Variants in GPC5 observed in about 807,000 individuals in gnomAD.
The protein encoded by GPC5 is glypican-5.
A neutral mutation model predicts 53.9 loss-of-function variants in GPC5; 47 were observed. The observed-to-expected ratio is 0.87, with a 90% CI of 0.69 to 1.11. GPC5 has a LOEUF of 1.11. GPC5 is among the 50% of genes most tolerant of loss of function. The probability of loss-of-function intolerance (pLI) is 0.00; values close to 1 mark genes in which losing one functional copy is unlikely to be tolerated. For missense variants in GPC5, 748 were observed against 713.1 expected, an observed-to-expected ratio of 1.05 and a Z score of -0.56; for synonymous variants, 286 against 263.3, an observed-to-expected ratio of 1.09 and a Z score of -0.84.
chr13:92,604,083 A>T (rs1315935255), intron 7 of GPC5, among the ~76,000 whole-genome samples: 2 of 152,248 alleles, frequency 1.3e-5, no homozygotes, highest in African/African-American at 4.8e-5. Flanking sequence ...GATACATATT[A>T]TTTGACCACA....
intron 7 of GPC5, among the ~76,000 whole-genome samples, chr13:92,647,457 G>A (rs1441809863): frequency 6.6e-6 from 1 of 152,036 alleles, no homozygotes; most frequent in Non-Finnish European, 1.5e-5. Context: ...GCCTACATAG[G>A]CTCAGGAATA....
chr13:92,144,356 G>T (rs2041851158), intron 6 of GPC5, among the ~76,000 whole-genome samples: 1 of 152,140 alleles, frequency 6.6e-6, no homozygotes, highest in Non-Finnish European at 1.5e-5. Context: ...AACTATAAAT[G>T]TATATGTCTA....
At chr13:91,669,844 ATTTGC>A (rs2035203402) in intron 2 of GPC5, among the ~76,000 whole-genome samples, 2 of 152,138 alleles carry the variant, frequency 1.3e-5, no homozygotes, top group Admixed American at 1.3e-4. Context: ...AAAGAGATGT[ATTTGC>A]TTGTGTATGT....
intron 7 of GPC5, among the ~76,000 whole-genome samples, chr13:92,641,403 C>A (rs1885590626): frequency 6.6e-6 from 1 of 151,966 alleles, no homozygotes; most frequent in African/African-American, 2.4e-5. Context: ...CTCCCAATGC[C>A]ATGATAAAGA....
chr13:91,743,604 A>G (rs1426690685), intron 4 of GPC5, among the ~76,000 whole-genome samples: 1 of 152,190 alleles, frequency 6.6e-6, no homozygotes, highest in Non-Finnish European at 1.5e-5. Flanking sequence ...TCATATTTGT[A>G]TCCAATGGCA....
intron 7 of GPC5, among the ~76,000 whole-genome samples, chr13:92,713,608 CAAAA>C (rs5805758): frequency 1.8e-5 from 2 of 114,028 alleles, no homozygotes; most frequent in Admixed American, 8.8e-5. Context: ...ACTCCAATCT[CAAAA>C]AAAAAAAAAA....
intron 2 of GPC5, among the ~76,000 whole-genome samples, chr13:91,606,205 G>C (rs2033360789): frequency 6.6e-6 from 1 of 151,034 alleles, no homozygotes; most frequent in Non-Finnish European, 1.5e-5. Context: ...TGCATCTATT[G>C]AGATAATCAT....
At chr13:91,777,649 T>TA (rs1190187383) in intron 5 of GPC5, among the ~76,000 whole-genome samples, 2 of 152,174 alleles carry the variant, frequency 1.3e-5, no homozygotes, top group Admixed American at 1.3e-4. Flanking sequence ...TATTTTAAAT[T>TA]AAAAAATGTC....
intron 6 of GPC5, among the ~76,000 whole-genome samples, chr13:91,942,974 C>A (rs902178234): frequency 6.6e-6 from 1 of 152,036 alleles, no homozygotes; most frequent in African/African-American, 2.4e-5. Flanking sequence ...ATAATTATAT[C>A]ATTCATTAAT....
intron 2 of GPC5, among the ~76,000 whole-genome samples, chr13:91,681,694 C>T (rs539141447): frequency 1.0e-3 from 159 of 152,200 alleles, no homozygotes; most frequent in African/African-American, 3.0e-3. Flanking sequence ...AGATCTTAAA[C>T]GGTATCTTTC....
intron 6 of GPC5, among the ~76,000 whole-genome samples, chr13:92,052,097 C>T (rs2041034532): frequency 6.6e-6 from 1 of 152,190 alleles, no homozygotes; most frequent in South Asian, 2.1e-4. Flanking sequence ...CATGCTTGGA[C>T]TTATGCATAA....
chr13:92,005,283 A>G (rs1029199326), intron 6 of GPC5, among the ~76,000 whole-genome samples: 26 of 152,206 alleles, frequency 1.7e-4, no homozygotes, highest in African/African-American at 6.0e-4. Flanking sequence ...CAAAACTGCA[A>G]CAGCCTTACA....
intron 5 of GPC5, among the ~76,000 whole-genome samples, chr13:91,826,186 A>AC (rs2038573111): frequency 2.1e-5 from 2 of 93,210 alleles, no homozygotes; most frequent in African/African-American, 8.5e-5. Flanking sequence ...TATTAAATAA[A>AC]TGATGAGATG....
chr13:92,099,905 G>C lies in GPC5; in HGVS notation c.1402-44925G>C, dbSNP rs147938281. ...AATCAAAGAAGATTAACCTGTACAG[G>C]CCTGATTTAATCATGGTGAAATCCT... is the stretch of plus-strand genomic sequence containing the variant. On this transcript the variant is annotated intron_variant, in intron 6 of 7. Coordinates refer to ENST00000377067, the MANE Select transcript of GPC5 (RefSeq NM_004466.6). 1.0e-3 allele frequency among the ~76,000 whole-genome samples: 155 copies of C among 152,234 alleles called. 1 individual carries two copies. Among genetic ancestry groups the C allele is most frequent in the African/African-American group, 3.6e-3 (149 of 41,532 alleles).
At chr13:91,852,793 G>C (rs2038928905) in intron 5 of GPC5, among the ~76,000 whole-genome samples, 2 of 152,102 alleles carry the variant, frequency 1.3e-5, no homozygotes, top group South Asian at 4.1e-4. Flanking sequence ...GGGACCCACT[G>C]TGGTATATGT....
rs568355344 is a variant in GPC5, at chr13:91,478,141, A to G, written c.325+29219A>G. On this transcript the variant is annotated intron_variant, in intron 2 of 7. Coordinates refer to ENST00000377067, the MANE Select transcript of GPC5 (RefSeq NM_004466.6). ...TGTTTTGCTTCACTGTTAAATTTAT[A>G]TGTTCTTTAAAATGCATAAAACTTT... 2.6e-5 allele frequency among the ~76,000 whole-genome samples: 4 copies of G among 151,940 alleles called. No homozygotes were observed. In the South Asian group the frequency reaches 8.3e-4, roughly 32 times the overall value.
chr13:92,119,635 T>C (rs1225567417), intron 6 of GPC5, among the ~76,000 whole-genome samples: 63 of 138,334 alleles, frequency 4.6e-4, no homozygotes, highest in Middle Eastern at 4.4e-3. Flanking sequence ...TTAGCCAGGA[T>C]GGTCTCGATC....
chr13:92,467,931 AAGG>A (rs1878762876), intron 7 of GPC5, among the ~76,000 whole-genome samples: 1 of 152,136 alleles, frequency 6.6e-6, no homozygotes, highest in African/African-American at 2.4e-5. Context: ...ATATCCAGTA[AAGG>A]AGAGTTCAAT....
chr13:92,333,845 T>C (rs1926640), intron 7 of GPC5, among the ~76,000 whole-genome samples: 43,635 of 151,852 alleles, frequency 0.29, 6,476 homozygotes, highest in South Asian at 0.4. Flanking sequence ...TTTTAACAAA[T>C]ATGATTAATA....
Sources: gnomAD v4.1 joint callset for allele counts (sites outside exome capture counted in the v4.1 genomes callset) on GRCh38, gnomAD v4.1.1 for gene constraint, MANE v1.5 for transcripts, NCBI Gene and HGNC (gene_info 2026-07-23, HGNC 2026-07-21) for gene names.